The following KCNB2 variants were observed in gnomAD, a reference collection of about 807,000 sequenced individuals.
KCNB2 encodes delayed rectifier potassium channel protein.
In KCNB2, 15 loss-of-function variants were observed where a neutral mutation model predicts 61.5. The observed-to-expected ratio is 0.24, with a 90% CI of 0.16 to 0.38. The LOEUF is 0.38. Among genes scored for constraint, KCNB2 ranks in the 10% least tolerant of loss-of-function variants. The pLI, the probability that KCNB2 is intolerant of heterozygous loss-of-function variation, is 1.00. For missense variants in KCNB2, 828 were observed against 1,125.2 expected (o/e 0.74, Z 3.78); for synonymous variants, 457 against 446.0 (o/e 1.02, Z -0.31).
intron 2 of KCNB2, among the ~76,000 whole-genome samples, chr8:72,790,366 G>T (rs1207011740): frequency 1.3e-5 from 2 of 152,160 alleles, no homozygotes; most frequent in Non-Finnish European, 2.9e-5. Context: ...GGGCAGAGTG[G>T]CATTCTGGAA....
chr8:72,688,653 A>G (rs901083384), intron 2 of KCNB2, among the ~76,000 whole-genome samples: 2 of 152,224 alleles, frequency 1.3e-5, no homozygotes, highest in Non-Finnish European at 2.9e-5. Context: ...AATATTGAAT[A>G]AATGAATTAA....
At chr8:72,895,562 G>A (rs933199357) in intron 2 of KCNB2, among the ~76,000 whole-genome samples, 1 of 152,164 alleles carries the variant, frequency 6.6e-6, no homozygotes, top group African/African-American at 2.4e-5. Flanking sequence ...AATCTGTGCT[G>A]TGTAAGTCAC....
chr8:72,808,184 T>G (rs753708157), intron 2 of KCNB2, among the ~76,000 whole-genome samples: 2 of 152,218 alleles, frequency 1.3e-5, no homozygotes, highest in Non-Finnish European at 2.9e-5. Context: ...TTTTCTAATA[T>G]GAGCTCCAAT....
chr8:72,666,040 A>G (rs1379673318), intron 2 of KCNB2, among the ~76,000 whole-genome samples: 1 of 152,226 alleles, frequency 6.6e-6, no homozygotes, highest in Non-Finnish European at 1.5e-5. Flanking sequence ...CTCCACTACT[A>G]TGACCAACTA....
chr8:72,792,652 C>A (rs574484508), intron 2 of KCNB2, among the ~76,000 whole-genome samples: 242 of 152,208 alleles, frequency 1.6e-3, no homozygotes, highest in Non-Finnish European at 2.8e-3. Context: ...GTGGTGGAAT[C>A]CAGGCATATA....
At chr8:72,551,116 TCAC>T (rs1806338822) in intron 1 of KCNB2, among the ~76,000 whole-genome samples, 4 of 152,202 alleles carry the variant, frequency 2.6e-5, no homozygotes, top group Admixed American at 2.6e-4. Context: ...TCTTACGCCA[TCAC>T]CAAAGCACCA....
At chr8:72,897,003 G>C (rs111921352) in intron 2 of KCNB2, among the ~76,000 whole-genome samples, 1,805 of 152,200 alleles carry the variant, frequency 0.012, 32 homozygotes, top group African/African-American at 0.041. Context: ...ACAGACTAGG[G>C]TTGTGCTTGC....
At chr8:72,835,276 A>G (rs1350638835) in intron 2 of KCNB2, among the ~76,000 whole-genome samples, 1 of 152,230 alleles carries the variant, frequency 6.6e-6, no homozygotes, top group African/African-American at 2.4e-5. Flanking sequence ...AAGAAATAAT[A>G]TACCTCACCA....
chr8:72,687,793 CT>C (rs1376237822), intron 2 of KCNB2, among the ~76,000 whole-genome samples: 1 of 152,190 alleles, frequency 6.6e-6, no homozygotes, highest in East Asian at 1.9e-4. Flanking sequence ...TTTTACTTGA[CT>C]GTCTTTTAAA....
intron 2 of KCNB2, among the ~76,000 whole-genome samples, chr8:72,665,813 A>G (rs1352836451): frequency 6.6e-6 from 1 of 152,034 alleles, no homozygotes; most frequent in East Asian, 1.9e-4. Context: ...AAAAGCAACC[A>G]TAGCCCCAGC....
At chr8:72,675,741 A>T (rs1216280668) in intron 2 of KCNB2, among the ~76,000 whole-genome samples, 1 of 151,860 alleles carries the variant, frequency 6.6e-6, no homozygotes, top group Non-Finnish European at 1.5e-5. Context: ...TTTAGTAGAG[A>T]CGGGATTTCA....
intron 2 of KCNB2, among the ~76,000 whole-genome samples, chr8:72,584,987 A>C (rs1806981611): frequency 1.3e-5 from 2 of 152,186 alleles, no homozygotes; most frequent in South Asian, 2.1e-4. Flanking sequence ...CACCTTGCTG[A>C]ATATGGCTCT....
chr8:72,823,055 G>T (rs1170190096), intron 2 of KCNB2, among the ~76,000 whole-genome samples: 1 of 152,074 alleles, frequency 6.6e-6, no homozygotes, highest in African/African-American at 2.4e-5. Flanking sequence ...TCCTAAGAAG[G>T]AGGAAGGGAA....
Position 72,784,101 on chromosome 8 carries a change from A to T in KCNB2, c.580-151834A>T, listed in dbSNP as rs116639248. Among the ~76,000 whole-genome samples the T allele has an allele frequency of 2.2e-3, 328 of 152,286 alleles. 2 individuals carry two copies. Among genetic ancestry groups the T allele is most frequent in the African/African-American group, 7.6e-3 (317 of 41,560 alleles). On this transcript the variant is annotated intron_variant, in intron 2 of 2. Coordinates refer to ENST00000523207, the MANE Select transcript of KCNB2 (RefSeq NM_004770.3). ...TTGGGAAATATTTAATATATTCAAG[A>T]TATACAATGGGATGATTGGATATAT...
intron 2 of KCNB2, chr8:72,875,175 G>T (rs913373525): frequency 6.6e-6 from 1 of 152,272 alleles, no homozygotes; most frequent in Non-Finnish European, 1.5e-5. Context: ...TCCTCCCAAG[G>T]ACGTAGGCTT....
chr8:72,889,312 A>G (rs531134838), intron 2 of KCNB2, among the ~76,000 whole-genome samples: 2 of 152,316 alleles, frequency 1.3e-5, no homozygotes, highest in East Asian at 3.9e-4. Flanking sequence ...ATAAGGTAGG[A>G]ATTTAAACTA....
At chr8:72,837,417 A>T (rs763232752) in intron 2 of KCNB2, among the ~76,000 whole-genome samples, 6 of 152,212 alleles carry the variant, frequency 3.9e-5, no homozygotes, top group Non-Finnish European at 7.3e-5. Flanking sequence ...ACAATTACCA[A>T]CAGCTTTTCA....
Position 72,733,058 on chromosome 8 carries a change from A to AG in KCNB2, c.579+164749dup, listed in dbSNP as rs1807777137. On this transcript the variant is annotated intron_variant, in intron 2 of 2. Transcript: ENST00000523207. Reference sequence around the variant, plus strand: ...AACATGTAAGAGAAAGGGAGTAAGGAGGGGAAAATAGAGAGAAGGTATGGA... The same window carrying AG: ...AACATGTAAGAGAAAGGGAGTAAGGAGGGGGAAAATAGAGAGAAGGTATGGA... Among the ~76,000 whole-genome samples, 3 of 152,198 alleles carry AG rather than the reference A, an allele frequency of 2.0e-5. No individual in the cohort carries two copies. In the South Asian group the frequency reaches 6.2e-4, roughly 32 times the overall value.
chr8:72,700,824 GA>G (rs1478829238), intron 2 of KCNB2, among the ~76,000 whole-genome samples: 1 of 152,096 alleles, frequency 6.6e-6, no homozygotes, highest in Non-Finnish European at 1.5e-5. Context: ...ACAAAGATAT[GA>G]AATCAACCCG....
Sources: gnomAD v4.1 joint callset for allele counts (sites outside exome capture counted in the v4.1 genomes callset) on GRCh38, gnomAD v4.1.1 for gene constraint, MANE v1.5 for transcripts, NCBI Gene and HGNC (gene_info 2026-07-23, HGNC 2026-07-21) for gene names.